DTNBP1: variants seen among roughly 807,000 people sequenced by gnomAD.
DTNBP1 encodes the protein dystrobrevin binding protein 1.
DTNBP1 carries 35 observed loss-of-function variants against 42.8 expected under a neutral mutation model. The ratio of observed to expected loss-of-function variants is 0.82; its 90% CI spans 0.63 to 1.09. The LOEUF (loss-of-function observed/expected upper bound fraction) is 1.09, where lower values mean the gene tolerates loss of function less well. Among genes scored for constraint, DTNBP1 ranks in the 50% least tolerant of loss-of-function variants. The pLI, the probability that DTNBP1 is intolerant of heterozygous loss-of-function variation, is 0.00. For synonymous variants in DTNBP1, 171 were observed against 162.2 expected (o/e 1.05, Z -0.41); for missense variants, 457 against 424.2 (o/e 1.08, Z -0.68).
At chr6:15,622,285 T>C (rs1759082395) in intron 5 of DTNBP1, among the ~76,000 whole-genome samples, 1 of 152,190 alleles carries the variant, frequency 6.6e-6, no homozygotes, top group Non-Finnish European at 1.5e-5. Flanking sequence ...TATCAGTGAC[T>C]TAAAACAGAA....
intron 8 of DTNBP1, among the ~76,000 whole-genome samples, chr6:15,532,697 CT>C (rs373480713): frequency 6.9e-4 from 64 of 93,112 alleles, no homozygotes; most frequent in African/African-American, 1.7e-3. Context: ...TGTTTGTAAT[CT>C]TTTTTTTTTT....
At chr6:15,661,240 C>A (rs1761597676) in intron 1 of DTNBP1, among the ~76,000 whole-genome samples, 1 of 152,206 alleles carries the variant, frequency 6.6e-6, no homozygotes, top group African/African-American at 2.4e-5. Flanking sequence ...CATAATCCCA[C>A]CACTTCAGGA....
In DTNBP1 at chr6:15,522,856, AT is replaced by A. The variant is rs1771991726; in HGVS notation, c.*118del. On this transcript the variant is annotated 3_prime_UTR_variant, in exon 10 of 10. Transcript: ENST00000344537. ...TAGCTGTTCTTTAAGTTTCTCACAC[AT>A]TATTGGCAATTATGTAAAAATCAAG... The A allele has an allele frequency of 1.9e-6, 3 of 1,550,690 alleles. No homozygotes were observed. The highest frequency in any genetic ancestry group is 1.8e-6 in the Non-Finnish European group (2 of 1,129,696).
intron 3 of DTNBP1, among the ~76,000 whole-genome samples, chr6:15,647,373 A>G (rs1324451031): frequency 1.3e-5 from 2 of 151,916 alleles, no homozygotes; most frequent in Non-Finnish European, 2.9e-5. Flanking sequence ...ACTACCGTTT[A>G]TATCTACCAA....
At chr6:15,618,426 A>C (rs928854912) in intron 5 of DTNBP1, among the ~76,000 whole-genome samples, 1 of 152,044 alleles carries the variant, frequency 6.6e-6, no homozygotes, top group African/African-American at 2.4e-5. Flanking sequence ...TACTGGGTAC[A>C]ACGTTCACTG....
At chr6:15,605,345 T>C (rs1393974435) in intron 6 of DTNBP1, among the ~76,000 whole-genome samples, 1 of 152,182 alleles carries the variant, frequency 6.6e-6, no homozygotes, top group Non-Finnish European at 1.5e-5. Context: ...CTACTGTTCA[T>C]GACTCGGGGT....
At chr6:15,629,062 T>C (rs1269041864) in intron 4 of DTNBP1, among the ~76,000 whole-genome samples, 4 of 151,912 alleles carry the variant, frequency 2.6e-5, no homozygotes, top group Non-Finnish European at 4.4e-5. Flanking sequence ...AACTGGTCTT[T>C]AAAAAAAATC....
intron 7 of DTNBP1, among the ~76,000 whole-genome samples, chr6:15,563,562 T>A (rs1011928560): frequency 6.6e-6 from 1 of 152,224 alleles, no homozygotes; most frequent in Non-Finnish European, 1.5e-5. Flanking sequence ...GATGTTAGAA[T>A]CATAAGGCTT....
intron 6 of DTNBP1, among the ~76,000 whole-genome samples, chr6:15,604,005 T>C (rs1776830659): frequency 1.3e-5 from 2 of 152,200 alleles, no homozygotes; most frequent in Admixed American, 1.3e-4. Flanking sequence ...TCTCCCCAGA[T>C]TTAGCTCTTC....
chr6:15,537,342 G>A (rs751810944), intron 7 of DTNBP1, among the ~76,000 whole-genome samples: 2 of 151,722 alleles, frequency 1.3e-5, no homozygotes, highest in East Asian at 3.9e-4. Flanking sequence ...AGAACTGCTC[G>A]AACCAGGACC....
chr6:15,559,279 C>T (rs1344781533), intron 7 of DTNBP1, among the ~76,000 whole-genome samples: 1 of 152,166 alleles, frequency 6.6e-6, no homozygotes, highest in East Asian at 1.9e-4. Flanking sequence ...AGCTCAACAT[C>T]AACCATTCTG....
chr6:15,636,656 G>T (rs1330995356), intron 4 of DTNBP1, among the ~76,000 whole-genome samples: 1 of 152,096 alleles, frequency 6.6e-6, no homozygotes, highest in Non-Finnish European at 1.5e-5. Context: ...TTCACCAGGG[G>T]GATGTAGCCA....
At chr6:15,596,632 G>A (rs1012782584) in intron 6 of DTNBP1, among the ~76,000 whole-genome samples, 1 of 152,054 alleles carries the variant, frequency 6.6e-6, no homozygotes, top group Non-Finnish European at 1.5e-5. Context: ...TTGGTTCTGG[G>A]CCCTCTTCTC....
intron 5 of DTNBP1, among the ~76,000 whole-genome samples, chr6:15,624,238 T>A (rs1044841115): frequency 6.6e-5 from 10 of 152,224 alleles, no homozygotes; most frequent in African/African-American, 1.9e-4. Context: ...CATTGAGAAA[T>A]CTGCACAGTT....
Position 15,532,697 on chromosome 6 carries a change from C to CTTTTTTTTTT in DTNBP1, c.667+533_667+542dup, listed in dbSNP as rs373480713. On this transcript the variant is annotated intron_variant, in intron 8 of 9. Transcript: ENST00000344537. ...TAGAAGCATAATTTGTGTTTGTAAT[C>CTTTTTTTTTT]TTTTTTTTTTTTTTTTTTTTTTGAG... Among the ~76,000 whole-genome samples, 137 of 93,110 alleles carry CTTTTTTTTTT rather than the reference C, an allele frequency of 1.5e-3. 3 individuals are homozygous for CTTTTTTTTTT. Among genetic ancestry groups the CTTTTTTTTTT allele is most frequent in the African/African-American group, 2.1e-3 (48 of 22,394 alleles). The allele number at this position is 93,110 out of a possible 152,430, so 61.1% of individuals were successfully genotyped here. A position where few individuals can be genotyped will look rare whatever the true frequency, so the allele number is the denominator to read the frequency against.
rs559661829 is a variant in DTNBP1, at chr6:15,662,978, C to T, written c.-109G>A. ...CGCTGTCACCGCGCGCCCCGCACTC[C>T]CACTACCGGCCCCGCCCCCGGTCTG... On this transcript the variant is annotated 5_prime_UTR_variant, in exon 1 of 10. Transcript: ENST00000344537. 6,034 of 1,470,482 alleles carry T rather than the reference C, an allele frequency of 4.1e-3. 19 individuals carry two copies. Among genetic ancestry groups the T allele is most frequent in the Non-Finnish European group, 5.0e-3 (5,364 of 1,072,336 alleles). 91.1% of individuals were successfully genotyped at this position (1,470,482 alleles called of 1,614,324 possible). A position where few individuals can be genotyped will look rare whatever the true frequency, so the allele number is the denominator to read the frequency against.
upstream of DTNBP1, chr6:15,663,030 G>C (rs1351393444): frequency 2.1e-6 from 2 of 954,032 alleles, no homozygotes; most frequent in Non-Finnish European, 2.9e-6. Flanking sequence ...CGCAACCCCA[G>C]CCCCTTCCGC....
chr6:15,562,902 C>A (rs1774908159), intron 7 of DTNBP1, among the ~76,000 whole-genome samples: 1 of 152,212 alleles, frequency 6.6e-6, no homozygotes, highest in South Asian at 2.1e-4. Context: ...ACCTTCCAAG[C>A]CTCTTCCACA....
intron 7 of DTNBP1, among the ~76,000 whole-genome samples, chr6:15,540,107 C>G (rs1039916661): frequency 6.6e-6 from 1 of 152,162 alleles, no homozygotes; most frequent in Non-Finnish European, 1.5e-5. Flanking sequence ...CTGAAAATCA[C>G]CTGCTCTGGG....
Sources: gnomAD v4.1 joint callset for allele counts (sites outside exome capture counted in the v4.1 genomes callset) on GRCh38, gnomAD v4.1.1 for gene constraint, MANE v1.5 for transcripts, NCBI Gene and HGNC (gene_info 2026-07-23, HGNC 2026-07-21) for gene names.